The following FILIP1L variants were observed in gnomAD, a reference collection of about 807,000 sequenced individuals.
The protein encoded by FILIP1L is filamin A interacting protein 1 like.
A neutral mutation model predicts 96.6 loss-of-function variants in FILIP1L; 55 were observed. The observed-to-expected ratio is 0.57, with a 90% CI of 0.46 to 0.71. FILIP1L has a LOEUF of 0.71. FILIP1L is among the 30% of genes least tolerant of loss of function. The pLI is 0.00. For synonymous variants in FILIP1L, 467 were observed against 473.9 expected (o/e 0.99, Z 0.19); for missense variants, 1,304 against 1,321.2 (o/e 0.99, Z 0.20).
At chr3:99,960,519 G>A (rs745721180) in intron 1 of FILIP1L, among the ~76,000 whole-genome samples, 19 of 152,156 alleles carry the variant, frequency 1.2e-4, no homozygotes, top group South Asian at 4.1e-4. Flanking sequence ...AGATTACAGC[G>A]TGAAGTGAAA....
chr3:100,038,272 T>C (rs551806215), intron 1 of FILIP1L, among the ~76,000 whole-genome samples: 2 of 152,252 alleles, frequency 1.3e-5, no homozygotes, highest in East Asian at 3.9e-4. Context: ...TTCTTCTCAT[T>C]AAAATATAAC....
intron 4 of FILIP1L, among the ~76,000 whole-genome samples, chr3:99,873,897 A>C (rs1705370263): frequency 6.6e-6 from 1 of 152,234 alleles, no homozygotes; most frequent in Non-Finnish European, 1.5e-5. Context: ...CTTACTAAGC[A>C]TAAAATTATT....
chr3:99,932,956 T>C (rs375779439), intron 1 of FILIP1L, among the ~76,000 whole-genome samples: 25 of 152,332 alleles, frequency 1.6e-4, no homozygotes, highest in East Asian at 1.5e-3. Flanking sequence ...GAGCACTTAC[T>C]ATGTGTGCTA....
At position 99,983,464 on chromosome 3, in the gene FILIP1L, GTATATATATATA is replaced by G. The variant is rs1191587665; in HGVS notation, c.-10-52446_-10-52435del. On this transcript the variant is annotated intron_variant, in intron 1 of 5. Coordinates refer to ENST00000477258, the MANE Select transcript of FILIP1L (RefSeq NM_001387850.1). ...TATGTATGTATATATATATATGTGT[GTATATATATATA>G]TATATATATATATATATATATATAT... 5.4e-3 allele frequency among the ~76,000 whole-genome samples: 69 copies of G among 12,684 alleles called. 2 individuals are homozygous for G. The highest frequency in any genetic ancestry group is 0.028 in the South Asian group (12 of 424). 8.3% of individuals were successfully genotyped at this position (12,684 alleles called of 152,430 possible).
intron 3 of FILIP1L, among the ~76,000 whole-genome samples, chr3:99,928,257 C>T (rs910756414): frequency 6.6e-6 from 1 of 152,206 alleles, no homozygotes; most frequent in Non-Finnish European, 1.5e-5. Flanking sequence ...CCCCTCTCAC[C>T]TAGTACTTCC....
At chr3:99,987,543 A>AAAAG (rs1436441211) in intron 1 of FILIP1L, among the ~76,000 whole-genome samples, 1 of 150,926 alleles carries the variant, frequency 6.6e-6, no homozygotes, top group African/African-American at 2.5e-5. Context: ...AAAAAAAAAA[A>AAAAG]AAAGAAAGAA....
chr3:100,110,406 C>G (rs979726207), intron 1 of FILIP1L, among the ~76,000 whole-genome samples: 12 of 152,036 alleles, frequency 7.9e-5, no homozygotes, highest in African/African-American at 2.9e-4. Context: ...AGCTTTATCC[C>G]GTTTGCTATC....
chr3:99,876,285 T>C, intron 4 of FILIP1L: 1 of 896,068 alleles, frequency 1.1e-6, no homozygotes, highest in African/African-American at 1.8e-5. Flanking sequence ...CGCGGGACCC[T>C]CGGCCGCGGC....
At chr3:99,856,421 G>C (rs1295476604) in intron 4 of FILIP1L, among the ~76,000 whole-genome samples, 1 of 152,126 alleles carries the variant, frequency 6.6e-6, no homozygotes, top group Non-Finnish European at 1.5e-5. Context: ...TATTGTCTTG[G>C]AGTACTCATA....
intron 1 of FILIP1L, among the ~76,000 whole-genome samples, chr3:99,955,928 C>T (rs1255652337): frequency 6.6e-6 from 1 of 152,160 alleles, no homozygotes; most frequent in Non-Finnish European, 1.5e-5. Context: ...AGACTTCTTA[C>T]ATAGCGCTTA....
At position 99,849,049 on chromosome 3, in the gene FILIP1L, C is replaced by T. The variant is rs1197919343; in HGVS notation, c.2627G>A (p.Gly876Glu). The T allele has an allele frequency of 6.2e-7, 1 of 1,614,134 alleles. No individual in the cohort carries two copies. Among genetic ancestry groups the T allele is most frequent in the South Asian group, 1.1e-5 (1 of 91,078 alleles). Residue 876 changes from glycine (G) to glutamate (E), a missense_variant, in exon 5 of 6, where the codon GGA (glycine) becomes GAA (glutamate). Coordinates refer to ENST00000477258, the MANE Select transcript of FILIP1L (RefSeq NM_001387850.1). The stretch of plus-strand genomic sequence containing the variant: ...GGCATTGGGTTTAGTTTGCATTTTT[C>T]CATTCTGAAGATGGCCCTCCTTGGA... ...MKSKEGHLQN[G>E]KMQTKPNANF...
intron 1 of FILIP1L, among the ~76,000 whole-genome samples, chr3:100,048,709 A>C (rs4928151): frequency 0.61 from 92,588 of 152,024 alleles, 28,340 homozygotes; most frequent in East Asian, 0.72. Context: ...AATCAAGTCC[A>C]GGTGGGTTTT....
chr3:99,854,182 G>A (rs888272284), intron 4 of FILIP1L, among the ~76,000 whole-genome samples: 2 of 152,178 alleles, frequency 1.3e-5, no homozygotes, highest in African/African-American at 4.8e-5. Context: ...TGAGGAGGGT[G>A]TGGAGTTGAG....
chr3:99,947,137 CA>C (rs397829321), intron 1 of FILIP1L, among the ~76,000 whole-genome samples: 30 of 88,802 alleles, frequency 3.4e-4, no homozygotes, highest in Admixed American at 5.3e-4. Flanking sequence ...GACTCTGTCT[CA>C]AAAAAAAAAA....
chr3:99,971,095 T>C (rs893666114), intron 1 of FILIP1L, among the ~76,000 whole-genome samples: 1 of 152,120 alleles, frequency 6.6e-6, no homozygotes, highest in Admixed American at 6.5e-5. Flanking sequence ...CCCAGCACTT[T>C]GGGAGGCCAA....
At chr3:100,011,903 A>T (rs1346239528) in intron 1 of FILIP1L, 1 of 152,214 alleles carries the variant, frequency 6.6e-6, no homozygotes, top group Non-Finnish European at 1.5e-5. Flanking sequence ...AAAAACTTTT[A>T]AAAATAGAGA....
intron 5 of FILIP1L, among the ~76,000 whole-genome samples, chr3:99,843,622 G>A (rs141791403): frequency 1.3e-5 from 2 of 152,270 alleles, no homozygotes; most frequent in African/African-American, 4.8e-5. Flanking sequence ...CTAACCTACT[G>A]AATATCATGG....
chr3:99,905,721 G>T (rs1031445971), intron 4 of FILIP1L, among the ~76,000 whole-genome samples: 1 of 152,096 alleles, frequency 6.6e-6, no homozygotes, highest in African/African-American at 2.4e-5. Flanking sequence ...CTTACTGAGA[G>T]GTTGCCACCA....
chr3:100,102,027 A>G (rs1350463175), intron 1 of FILIP1L, among the ~76,000 whole-genome samples: 2 of 152,162 alleles, frequency 1.3e-5, no homozygotes, highest in Admixed American at 6.5e-5. Flanking sequence ...TCATTGTTGG[A>G]CATTTGGCTT....
Sources: allele counts gnomAD v4.1 joint callset (sites outside exome capture counted in the v4.1 genomes callset), GRCh38; gene constraint gnomAD v4.1.1; transcripts MANE v1.5; gene names NCBI Gene and HGNC (gene_info 2026-07-23, HGNC 2026-07-21).